IKZF4: variants seen among roughly 807,000 people sequenced by gnomAD.
IKZF4 encodes zinc finger protein Eos.
A neutral mutation model predicts 47.7 loss-of-function variants in IKZF4; 11 were observed. That is an observed-to-expected ratio of 0.23 (90% CI 0.15 to 0.38). The LOEUF is 0.38. Ranked by LOEUF, IKZF4 falls within the 10% of genes least tolerant of loss-of-function variation. The probability of loss-of-function intolerance (pLI) is 1.00; values close to 1 mark genes in which losing one functional copy is unlikely to be tolerated. For synonymous variants in IKZF4, 298 were observed against 299.4 expected (o/e 1.00, Z 0.05); for missense variants, 557 against 784.9 (o/e 0.71, Z 3.47).
intron 5 of IKZF4, among the ~76,000 whole-genome samples, chr12:56,028,249 G>A (rs1244921440): frequency 6.6e-6 from 1 of 152,048 alleles, no homozygotes; most frequent in Non-Finnish European, 1.5e-5. Context: ...CCCTTGGCCT[G>A]GCGCGGTGGC....
Position 56,023,764 on chromosome 12 carries a change from A to T in IKZF4, c.181A>T (p.Ser61Cys), listed in dbSNP as rs1490217455. 5.0e-6 allele frequency: 8 copies of T among 1,613,506 alleles called. No individual in the cohort carries two copies. The highest frequency in any genetic ancestry group is 6.8e-6 in the Non-Finnish European group (8 of 1,179,616). ...TATAATGGAATCTTTATTTTGTGAA[A>T]GTAAGTATGTGCATAGCTGGGCAAT... ...HFIMESLFCE[S>C]SGDSSLEKEF... The change falls in exon 2 of 8, where the codon AGT becomes TGT. Residue 61 changes from serine to cysteine, a missense_variant and splice_region_variant. By Grantham distance (112) the Ser-to-Cys change is moderately radical (BLOSUM62 -1). Around this residue, in one of 6 missense-constraint regions of IKZF4, gnomAD observed 112 missense variants for 168.2 expected, o/e 0.67. Transcript: ENST00000547167.
At chr12:56,023,894 G>C (rs1362109452) in intron 2 of IKZF4, 130 bp downstream of exon 2, 1 of 1,496,160 alleles carries the variant, frequency 6.7e-7, no homozygotes, top group African/African-American at 1.4e-5. Flanking sequence ...ATTTAGGCCT[G>C]TGTGCACACA....
upstream of IKZF4, chr12:56,020,802 A>G (rs1592916099): frequency 3.3e-6 from 1 of 300,276 alleles, no homozygotes; most frequent in Non-Finnish European, 4.9e-6. Flanking sequence ...ACTGCTGGAA[A>G]GGAGGAGGCT....
rs1895604556 is a variant in IKZF4, at chr12:56,035,986, C to G, written c.*655C>G. ...GTAGGAGGGACTGAAGAAATTCTCC[C>G]CAGGCACTGTGGGACTGAGAGTCCT... On this transcript the variant is annotated 3_prime_UTR_variant, in exon 8 of 8. Transcript: ENST00000547167. The surrounding 1 kb of genome is among the most constrained non-coding windows in gnomAD (Gnocchi z 6.1). The G allele has an allele frequency of 6.6e-6, 1 of 152,610 alleles. No homozygotes were observed. Among genetic ancestry groups the G allele is most frequent in the Admixed American group, 6.5e-5 (1 of 15,268 alleles). 9.5% of individuals were successfully genotyped at this position (152,610 alleles called of 1,614,324 possible).
At position 56,023,727 on chromosome 12, in the gene IKZF4, C is replaced by T. The variant is rs1301640049; in HGVS notation, c.144C>T (p.Asp48=). The change falls in exon 2 of 8, where the codon GAC becomes GAT. Residue 48 remains aspartate (D), a synonymous_variant. Coordinates refer to ENST00000547167, the MANE Select transcript of IKZF4 (RefSeq NM_022465.4). The part of the protein sequence containing the change: ...CVPDFLPQAQ[D]SNHFIMESLF... Reference sequence around the variant, plus strand: ...CGGATTTCTTGCCTCAGGCCCAAGACTCCAACCATTTTATAATGGAATCTT... The same window carrying T: ...CGGATTTCTTGCCTCAGGCCCAAGATTCCAACCATTTTATAATGGAATCTT... 6.2e-7 allele frequency: 1 copy of T among 1,613,844 alleles called. No homozygotes were observed. Among genetic ancestry groups the T allele is most frequent in the Non-Finnish European group, 8.5e-7 (1 of 1,179,864 alleles).
intron 3 of IKZF4, among the ~76,000 whole-genome samples, chr12:56,025,808 G>A (rs747117737): frequency 1.3e-5 from 2 of 152,070 alleles, no homozygotes; most frequent in Non-Finnish European, 2.9e-5. Flanking sequence ...CTGTTTTCCC[G>A]CCACTGTTAA....
Position 56,035,211 on chromosome 12 carries a change from T to C in IKZF4, c.1638T>C (p.Thr546=), listed in dbSNP as rs531293234. ...TCTTCCTGGACCACGTCATGTTCACTATCCACATGGGCTGCCATGGCTTCA... is the reference window on the plus strand; with the variant it reads ...TCTTCCTGGACCACGTCATGTTCACCATCCACATGGGCTGCCATGGCTTCA... ...RILFLDHVMF[T]IHMGCHGFRD... is the part of the protein sequence containing the mutation. Residue 546 remains threonine (T), a synonymous_variant, in exon 8 of 8, where the codon ACT becomes ACC. Coordinates refer to ENST00000547167, the MANE Select transcript of IKZF4 (RefSeq NM_022465.4). This position sits in a 1 kb window ranked among gnomAD's most constrained non-coding sequence, Gnocchi z 6.1. 4.6e-5 allele frequency: 74 copies of C among 1,614,216 alleles called. No homozygotes were observed. In the East Asian group the frequency reaches 1.4e-3, roughly 30 times the overall value.
intron 2 of IKZF4, among the ~76,000 whole-genome samples, chr12:56,012,088 C>T (rs1056698501): frequency 1.3e-5 from 2 of 152,154 alleles, no homozygotes; most frequent in African/African-American, 4.8e-5. Flanking sequence ...TGCTCTCCAC[C>T]GCAGAACCCA....
At chr12:56,028,704 T>C (rs752396571) in intron 5 of IKZF4, among the ~76,000 whole-genome samples, 3 of 151,976 alleles carry the variant, frequency 2.0e-5, no homozygotes, top group African/African-American at 2.4e-5. Context: ...CACCTCAGCT[T>C]CCTGAGTAGC....
Position 56,033,281 on chromosome 12 carries a change from C to G in IKZF4, c.957C>G (p.Ser319Arg). The change falls in exon 7 of 8, where the codon AGC becomes AGG. Residue 319 changes from serine to arginine, a missense_variant. By Grantham distance (110) the Ser-to-Arg change is moderately radical. Coordinates refer to ENST00000547167, the MANE Select transcript of IKZF4 (RefSeq NM_022465.4). ...CTTTCATCGATCGTCTGGCCAATAG[C>G]CTCACCAAACGCAAGCGTTCCACAC... ...RPTFIDRLAN[S>R]LTKRKRSTPQ... 1 of 1,614,024 alleles carries G rather than the reference C, an allele frequency of 6.2e-7. No homozygotes were observed. The highest frequency in any genetic ancestry group is 8.5e-7 in the Non-Finnish European group (1 of 1,179,880).
chr12:56,019,285 G>A (rs538874910), upstream of IKZF4: 2,462 of 819,360 alleles, frequency 3.0e-3, 11 homozygotes, highest in South Asian at 0.017. Flanking sequence ...CACCATTTTG[G>A]AAATGACCTA....
Position 56,035,079 on chromosome 12 carries a change from G to T in IKZF4, c.1506G>T (p.Gln502His). 6.3e-7 allele frequency: 1 copy of T among 1,598,632 alleles called. No individual in the cohort carries two copies. The highest frequency in any genetic ancestry group is 1.1e-5 in the South Asian group (1 of 88,022). ...PAYAKEDPKP[Q>H]EGLLRGTPGP... is the part of the protein sequence containing the mutation. ...ACGCCAAAGAGGACCCCAAGCCACA[G>T]GAGGGGTTATTGCGGGGCACCCCAG... Residue 502 changes from glutamine to histidine, a missense_variant, in exon 8 of 8, where the codon CAG becomes CAT. By Grantham distance (24) the Gln-to-His change is conservative (BLOSUM62 0). Around this residue, in one of 6 missense-constraint regions of IKZF4, gnomAD observed 280 missense variants for 314.0 expected, o/e 0.89. Transcript: ENST00000547167. This position sits in a 1 kb window ranked among gnomAD's most constrained non-coding sequence, Gnocchi z 6.1.
chr12:56,021,136 A>C lies in IKZF4; in HGVS notation c.-358A>C, dbSNP rs1592918336. ...CATCTGCCTTTCCCTCCCTGTGCAC[A>C]CACCCACCACCCACCCCCTTCACTG... On this transcript the variant is annotated 5_prime_UTR_variant, in exon 1 of 8. Transcript: ENST00000547167. The C allele has an allele frequency of 2.1e-6, 3 of 1,398,478 alleles. No individual in the cohort carries two copies. The highest frequency in any genetic ancestry group is 1.9e-6 in the Non-Finnish European group (2 of 1,078,124). The allele number at this position is 1,398,478 out of a possible 1,614,324, so 86.6% of individuals were successfully genotyped here.
chr12:56,010,415 G>C (rs1891203716), intron 1 of IKZF4: 1 of 152,156 alleles, frequency 6.6e-6, no homozygotes, highest in African/African-American at 2.4e-5. Flanking sequence ...TAGTCCTCAA[G>C]CTAAGAGGCC....
In IKZF4 at chr12:56,025,072, TG is replaced by T; in HGVS notation, c.202del (p.Glu68ArgfsTer13). The T allele has an allele frequency of 6.3e-7, 1 of 1,594,282 alleles. No individual in the cohort carries two copies. Among genetic ancestry groups the T allele is most frequent in the Admixed American group, 1.8e-5 (1 of 57,026 alleles). ...LFCESSGDSS[L>X]EKEFLGAPVG... ...CTCCAAGGTAGCGGGGACTCATCTC[TG>T]GAGAAGGAGTTCCTCGGGGCCCCAG... is the stretch of plus-strand genomic sequence containing the variant. On this transcript the variant is annotated frameshift_variant, in exon 3 of 8. Transcript: ENST00000547167. LOFTEE classifies it high-confidence loss of function.
chr12:56,021,257 TC>T lies in IKZF4; in HGVS notation c.-233del. On this transcript the variant is annotated 5_prime_UTR_variant, in exon 1 of 8. Transcript: ENST00000547167. ...TCCCCAAGCACATCCAAGCGTGCTC[TC>T]CCCTCTCCTTCTCTCCCTCTCTCTC... 1 of 1,420,574 alleles carries T rather than the reference TC, an allele frequency of 7.0e-7. No homozygotes were observed. The highest frequency in any genetic ancestry group is 9.2e-7 in the Non-Finnish European group (1 of 1,086,108). 88.0% of individuals were successfully genotyped at this position (1,420,574 alleles called of 1,614,324 possible). A position where few individuals can be genotyped will look rare whatever the true frequency, so the allele number is the denominator to read the frequency against.
At position 56,035,024 on chromosome 12, in the gene IKZF4, C is replaced by A; in HGVS notation, c.1451C>A (p.Thr484Asn). The change falls in exon 8 of 8, where the codon ACC (threonine) becomes AAC (asparagine). Residue 484 changes from threonine (T) to asparagine (N), a missense_variant. Physicochemically the swap from Thr to Asn is moderately conservative, Grantham distance 65. Transcript: ENST00000547167. The surrounding 1 kb of genome is among the most constrained non-coding windows in gnomAD (Gnocchi z 6.1). ...GGTCCCCCACCCCAGCCACCTCCCA[C>A]CATTGTGGTGGGCCGGCACAGTCCT... Reference protein sequence around the residue: ...PQGPPPQPPPTIVVGRHSPAY... With the variant: ...PQGPPPQPPPNIVVGRHSPAY... The A allele has an allele frequency of 1.3e-6, 2 of 1,558,858 alleles. No individual in the cohort carries two copies.
intron 1 of IKZF4, 108 bp downstream of exon 1, chr12:56,021,688 C>CTGTGTG (rs67296911): frequency 0.066 from 43,288 of 653,734 alleles, 1,153 homozygotes; most frequent in Non-Finnish European, 0.071. Context: ...AGGATGGGGG[C>CTGTGTG]TGTGTGTGTG....
At position 56,035,523 on chromosome 12, in the gene IKZF4, CAG is replaced by C; in HGVS notation, c.*194_*195del. On this transcript the variant is annotated 3_prime_UTR_variant, in exon 8 of 8. Coordinates refer to ENST00000547167, the MANE Select transcript of IKZF4 (RefSeq NM_022465.4). This position sits in a 1 kb window ranked among gnomAD's most constrained non-coding sequence, Gnocchi z 6.1. The stretch of plus-strand genomic sequence containing the variant: ...GACCGATGTAAGCATTGTGATGAAA[CAG>C]ATCTTTTGCTTATGTTTTTCCTTTT... 2.0e-6 allele frequency: 1 copy of C among 509,088 alleles called. No homozygotes were observed. Among genetic ancestry groups the C allele is most frequent in the East Asian group, 3.1e-5 (1 of 32,522 alleles). 31.5% of individuals were successfully genotyped at this position (509,088 alleles called of 1,614,324 possible).
Sources: allele counts gnomAD v4.1 joint callset (sites outside exome capture counted in the v4.1 genomes callset), GRCh38; gene constraint gnomAD v4.1.1; regional missense constraint gnomAD v4.1.1; non-coding constraint Gnocchi (gnomAD v3.1); transcripts MANE v1.5; gene names NCBI Gene and HGNC (gene_info 2026-07-23, HGNC 2026-07-21).